The following CDS1 variants were observed in gnomAD, a reference collection of about 807,000 sequenced individuals.
CDS1 encodes CDP-diacylglycerol synthase 1.
In CDS1, 41 loss-of-function variants were observed where a neutral mutation model predicts 62.1. The observed-to-expected ratio is 0.66, with a 90% CI of 0.51 to 0.86. The LOEUF (loss-of-function observed/expected upper bound fraction) is 0.86, where lower values mean the gene tolerates loss of function less well. CDS1 is among the 40% of genes least tolerant of loss of function. The probability of loss-of-function intolerance (pLI) is 0.00; values close to 1 mark genes in which losing one functional copy is unlikely to be tolerated. For synonymous variants in CDS1, 185 were observed against 192.6 expected, an observed-to-expected ratio of 0.96 and a Z score of 0.32; for missense variants, 470 against 550.1, an observed-to-expected ratio of 0.85 and a Z score of 1.46.
intron 1 of CDS1, among the ~76,000 whole-genome samples, chr4:84,587,619 G>A (rs1392247784): frequency 6.6e-6 from 1 of 152,180 alleles, no homozygotes; most frequent in Non-Finnish European, 1.5e-5. Flanking sequence ...AACAGAAAGA[G>A]CTAAGACATG....
Position 84,640,999 on chromosome 4 carries a change from A to G in CDS1, c.1032+9A>G. The G allele has an allele frequency of 1.3e-5, 20 of 1,535,218 alleles. No individual in the cohort carries two copies. Among genetic ancestry groups the G allele is most frequent in the Non-Finnish European group, 1.8e-5 (20 of 1,141,100 alleles). ...AGGCAGTCTTGAGACAGGTACAGTA[A>G]AAGTTCAAGATAAACATGGTTAGAG... is the stretch of plus-strand genomic sequence containing the variant. On this transcript the variant is annotated intron_variant, in intron 10 of 12. Transcript: ENST00000295887.
intron 1 of CDS1, among the ~76,000 whole-genome samples, chr4:84,596,920 A>G (rs1397594416): frequency 6.6e-6 from 1 of 152,202 alleles, no homozygotes; most frequent in East Asian, 1.9e-4. Flanking sequence ...TGGGGAGCGC[A>G]GAAGCTTTAG....
At chr4:84,598,126 C>CAAA (rs879924741) in intron 1 of CDS1, among the ~76,000 whole-genome samples, 1 of 82,992 alleles carries the variant, frequency 1.2e-5, no homozygotes, top group Non-Finnish European at 2.6e-5. Flanking sequence ...ACTCCATCTC[C>CAAA]AAAAAAAAAA....
Position 84,616,960 on chromosome 4 carries a change from A to G in CDS1, c.343-604A>G, listed in dbSNP as rs559285946. Among the ~76,000 whole-genome samples the G allele has an allele frequency of 2.0e-5, 3 of 152,354 alleles. No homozygotes were observed. The South Asian group carries it at 6.2e-4, about 32-fold the overall frequency. Reference sequence around the variant, plus strand: ...TGGCTGCAAATGTGGAAGGTTGCTTATACTTTGCTAAGGTAGCCCAGCTTA... The same window carrying G: ...TGGCTGCAAATGTGGAAGGTTGCTTGTACTTTGCTAAGGTAGCCCAGCTTA... On this transcript the variant is annotated intron_variant, in intron 3 of 12. Coordinates refer to ENST00000295887, the MANE Select transcript of CDS1 (RefSeq NM_001263.4).
At chr4:84,634,889 A>C (rs1024383255) in intron 7 of CDS1, among the ~76,000 whole-genome samples, 1 of 152,174 alleles carries the variant, frequency 6.6e-6, no homozygotes, top group African/African-American at 2.4e-5. Flanking sequence ...TTCTGTCTAA[A>C]GAAATGACTC....
At chr4:84,623,374 T>C (rs534897133) in intron 5 of CDS1, among the ~76,000 whole-genome samples, 2 of 152,232 alleles carry the variant, frequency 1.3e-5, no homozygotes, top group Non-Finnish European at 2.9e-5. Context: ...TCACACTTAT[T>C]GTTGGACTTT....
chr4:84,616,823 G>T (rs996413759), intron 3 of CDS1, among the ~76,000 whole-genome samples: 1 of 152,194 alleles, frequency 6.6e-6, no homozygotes, highest in Admixed American at 6.5e-5. Flanking sequence ...CAGTTTGAAG[G>T]ACTACAAAAT....
chr4:84,616,859 T>A (rs954915982), intron 3 of CDS1, among the ~76,000 whole-genome samples: 2 of 152,216 alleles, frequency 1.3e-5, no homozygotes, highest in African/African-American at 4.8e-5. Context: ...GATTTATAAA[T>A]CTAAACCCGT....
intron 1 of CDS1, among the ~76,000 whole-genome samples, chr4:84,590,036 C>T (rs901990701): frequency 6.6e-6 from 1 of 152,192 alleles, no homozygotes; most frequent in African/African-American, 2.4e-5. Context: ...CGATCTCAAT[C>T]TCCTGACCTT....
At chr4:84,641,034 T>G in intron 10 of CDS1, 44 bp downstream of exon 10, 1 of 1,218,526 alleles carries the variant, frequency 8.2e-7, no homozygotes, top group Non-Finnish European at 1.1e-6. Context: ...GATCTTCCAC[T>G]CTGAAGATTA....
intron 1 of CDS1, among the ~76,000 whole-genome samples, chr4:84,586,450 A>C (rs1578011318): frequency 2.0e-5 from 3 of 152,286 alleles, no homozygotes; most frequent in African/African-American, 7.2e-5. Context: ...CATAAGGAAC[A>C]TGCAGCCTAG....
At chr4:84,630,254 T>G (rs1723979787) in intron 5 of CDS1, among the ~76,000 whole-genome samples, 1 of 152,136 alleles carries the variant, frequency 6.6e-6, no homozygotes, top group African/African-American at 2.4e-5. Flanking sequence ...TCTCTCTCTC[T>G]CATTCTTTCT....
intron 1 of CDS1, among the ~76,000 whole-genome samples, chr4:84,586,907 A>G (rs537710041): frequency 3.2e-4 from 49 of 152,326 alleles, no homozygotes; most frequent in South Asian, 2.3e-3. Context: ...GAGGGGAGAT[A>G]TATATTTGTA....
intron 1 of CDS1, 80 bp downstream of exon 1, chr4:84,583,598 G>A (rs1722323024): frequency 3.8e-6 from 3 of 789,160 alleles, no homozygotes; most frequent in Admixed American, 3.3e-5. Flanking sequence ...GCAAGGGTGG[G>A]GCCCGTCCAG....
chr4:84,648,748 T>C lies in CDS1; in HGVS notation c.*62T>C. ...TATTCAGAAAAACACTGACAGATGTTTTATAAATTGTACAGAAAAATAGTT... is the reference window on the plus strand; with the variant it reads ...TATTCAGAAAAACACTGACAGATGTCTTATAAATTGTACAGAAAAATAGTT... On this transcript the variant is annotated 3_prime_UTR_variant, in exon 13 of 13. Transcript: ENST00000295887. 6.6e-7 allele frequency: 1 copy of C among 1,510,456 alleles called. No individual in the cohort carries two copies. Among genetic ancestry groups the C allele is most frequent in the Non-Finnish European group, 9.0e-7 (1 of 1,115,930 alleles). The allele number at this position is 1,510,456 out of a possible 1,614,324, so 93.6% of individuals were successfully genotyped here. A position where few individuals can be genotyped will look rare whatever the true frequency, so the allele number is the denominator to read the frequency against.
intron 3 of CDS1, among the ~76,000 whole-genome samples, chr4:84,617,269 C>A (rs895073474): frequency 6.6e-6 from 1 of 152,120 alleles, no homozygotes; most frequent in Non-Finnish European, 1.5e-5. Context: ...AGGGATAAAT[C>A]CTAGTCAACT....
intron 1 of CDS1, among the ~76,000 whole-genome samples, chr4:84,586,379 A>G (rs1722420765): frequency 1.3e-5 from 2 of 152,220 alleles, no homozygotes. Context: ...TTATCCTGCA[A>G]CTATACAGTC....
rs1463194695 is a variant in CDS1, at chr4:84,604,059, GA to G, written c.118-182del. Among the ~76,000 whole-genome samples the G allele has an allele frequency of 2.6e-5, 4 of 152,148 alleles. No individual in the cohort carries two copies. The East Asian group carries it at 5.8e-4, about 22-fold the overall frequency. ...TGTATTATTAGTAGTAGATTTTAGC[GA>G]AGATAGTCAAACTTTCCTAACAAAG... On this transcript the variant is annotated intron_variant, in intron 1 of 12. Transcript: ENST00000295887.
chr4:84,637,420 G>A (rs1724247347), intron 8 of CDS1, among the ~76,000 whole-genome samples: 1 of 152,146 alleles, frequency 6.6e-6, no homozygotes, highest in South Asian at 2.1e-4. Context: ...AGGGGAAGCA[G>A]GCACATCTTA....
Sources: gnomAD v4.1 joint callset for allele counts (sites outside exome capture counted in the v4.1 genomes callset) on GRCh38, gnomAD v4.1.1 for gene constraint, MANE v1.5 for transcripts, NCBI Gene and HGNC (gene_info 2026-07-23, HGNC 2026-07-21) for gene names.